The following PCDHAC1 variants were observed in gnomAD, a reference collection of about 807,000 sequenced individuals.
The protein encoded by PCDHAC1 is protocadherin alpha subfamily C, 1.
In PCDHAC1, 42 loss-of-function variants were observed where a neutral mutation model predicts 60.0. The ratio of observed to expected loss-of-function variants is 0.70; its 90% CI spans 0.55 to 0.90. The LOEUF (loss-of-function observed/expected upper bound fraction) is 0.90. PCDHAC1 is among the 40% of genes least tolerant of loss of function. The pLI is 0.00. For synonymous variants in PCDHAC1, 468 were observed against 499.3 expected (o/e 0.94, Z 0.84); for missense variants, 1,160 against 1,222.3 (o/e 0.95, Z 0.76).
At position 140,980,684 on chromosome 5, in the gene PCDHAC1, GA is replaced by G. The variant is rs782726576; in HGVS notation, c.2492+1687del. 1.5e-4 allele frequency among the ~76,000 whole-genome samples: 22 copies of G among 145,136 alleles called. No individual in the cohort carries two copies. In the East Asian group the frequency reaches 2.6e-3, roughly 17 times the overall value. ...AACTTCCTTATCCCATTTTCAAATT[GA>G]AAAAAAAAAGCCAAATGTGCTCCTA... On this transcript the variant is annotated intron_variant, in intron 2 of 3. Transcript: ENST00000253807.
In PCDHAC1 at chr5:141,009,914, A is replaced by T; in HGVS notation, c.2869A>T (p.Thr957Ser). The change falls in exon 4 of 4, where the codon ACG (threonine) becomes TCG (serine). Residue 957 changes from threonine (T) to serine (S), a missense_variant. Thr to Ser is a moderately conservative substitution (Grantham distance 58). Coordinates refer to ENST00000253807, the MANE Select transcript of PCDHAC1 (RefSeq NM_018898.5). ...GGAGAAAAAAGAGAAAGGGAACAGCACGACTGACAACAGTGACCAGTGAGG... is the reference window on the plus strand; with the variant it reads ...GGAGAAAAAAGAGAAAGGGAACAGCTCGACTGACAACAGTGACCAGTGAGG... ...TQEKKEKGNSTTDNSDQ is the reference protein window; with the variant it reads ...TQEKKEKGNSSTDNSDQ The T allele has an allele frequency of 6.2e-7, 1 of 1,611,466 alleles. No homozygotes were observed. The highest frequency in any genetic ancestry group is 8.5e-7 in the Non-Finnish European group (1 of 1,179,328).
intron 3 of PCDHAC1, among the ~76,000 whole-genome samples, chr5:140,986,030 C>T (rs1190318789): frequency 2.6e-5 from 4 of 152,174 alleles, no homozygotes; most frequent in Non-Finnish European, 2.9e-5. Flanking sequence ...TGAGCCACTG[C>T]GCCTGGCCTC....
chr5:140,954,978 A>C (rs1268797182), intron 1 of PCDHAC1, among the ~76,000 whole-genome samples: 2 of 152,176 alleles, frequency 1.3e-5, no homozygotes, highest in African/African-American at 4.8e-5. Context: ...GTCCAGTTTC[A>C]ATTTTCTGCA....
At position 140,929,216 on chromosome 5, in the gene PCDHAC1, A is replaced by G; in HGVS notation, c.2324A>G (p.Tyr775Cys). ...DNNSLLLRGEYNAADLRNLAT... is the reference protein window; with the variant it reads ...DNNSLLLRGECNAADLRNLAT... ...AACAGTTTGCTGTTGCGTGGGGAGT[A>G]CAATGCTGCCGACCTGCGAAATCTT... is the stretch of plus-strand genomic sequence containing the variant. Residue 775 changes from tyrosine (Y) to cysteine (C), a missense_variant, in exon 1 of 4, where the codon TAC becomes TGC. Physicochemically the swap from Tyr to Cys is radical, Grantham distance 194 (BLOSUM62 -2). Coordinates refer to ENST00000253807, the MANE Select transcript of PCDHAC1 (RefSeq NM_018898.5). 1 of 1,614,100 alleles carries G rather than the reference A, an allele frequency of 6.2e-7. No homozygotes were observed. The highest frequency in any genetic ancestry group is 8.5e-7 in the Non-Finnish European group (1 of 1,179,970).
intron 1 of PCDHAC1, among the ~76,000 whole-genome samples, chr5:140,978,103 A>G (rs2096789005): frequency 6.6e-6 from 1 of 152,106 alleles, no homozygotes; most frequent in South Asian, 2.1e-4. Flanking sequence ...AACTCCCCCA[A>G]CAGTCTTTAA....
At chr5:140,930,832 T>A (rs1375434055) in intron 1 of PCDHAC1, among the ~76,000 whole-genome samples, 1 of 152,226 alleles carries the variant, frequency 6.6e-6, no homozygotes, top group East Asian at 1.9e-4. Flanking sequence ...GCTGACTGAA[T>A]GAATAAATAT....
At chr5:140,955,126 G>T (rs947007538) in intron 1 of PCDHAC1, among the ~76,000 whole-genome samples, 6 of 152,110 alleles carry the variant, frequency 3.9e-5, no homozygotes, top group African/African-American at 1.4e-4. Flanking sequence ...CTGTTCCACT[G>T]GTCTACACGT....
chr5:140,944,136 G>A (rs536816208), intron 1 of PCDHAC1, among the ~76,000 whole-genome samples: 3 of 152,136 alleles, frequency 2.0e-5, no homozygotes, highest in African/African-American at 7.2e-5. Context: ...AAAGGTTGAA[G>A]ATTAGAAGAG....
intron 3 of PCDHAC1, among the ~76,000 whole-genome samples, chr5:140,989,765 C>G (rs2097359812): frequency 6.6e-6 from 1 of 152,286 alleles, no homozygotes. Context: ...ATATTCAGTT[C>G]AAGCACTGGC....
chr5:141,010,535 C>G lies in PCDHAC1; in HGVS notation c.*598C>G, dbSNP rs1423355739. 1 of 386,620 alleles carries G rather than the reference C, an allele frequency of 2.6e-6. No homozygotes were observed. Among genetic ancestry groups the G allele is most frequent in the African/African-American group, 2.0e-5 (1 of 48,880 alleles). 23.9% of individuals were successfully genotyped at this position (386,620 alleles called of 1,614,324 possible). On this transcript the variant is annotated 3_prime_UTR_variant, in exon 4 of 4. Coordinates refer to ENST00000253807, the MANE Select transcript of PCDHAC1 (RefSeq NM_018898.5). ...CAACTCAAGAGGTGGCAGCCACCCT[C>G]TAGGAGACAAAACTACCCCCACTGA...
rs782461261 is a variant in PCDHAC1, at chr5:140,928,126, C to G, written c.1234C>G (p.Gln412Glu). The change falls in exon 1 of 4, where the codon CAA becomes GAA. Residue 412 changes from glutamine (Q) to glutamate (E), a missense_variant. Around this residue, in one of 3 missense-constraint regions of PCDHAC1, gnomAD observed 1,113 missense variants for 1,163.7 expected, o/e 0.96. Transcript: ENST00000253807. ...GGACCGGGAGCAGATCAGTGAATACCAAGTCCTGATCACGGCCTCAGATAG... is the reference window on the plus strand; with the variant it reads ...GGACCGGGAGCAGATCAGTGAATACGAAGTCCTGATCACGGCCTCAGATAG... ...PLDREQISEYQVLITASDSGS... is the reference protein window; with the variant it reads ...PLDREQISEYEVLITASDSGS... 1 of 1,614,058 alleles carries G rather than the reference C, an allele frequency of 6.2e-7. No homozygotes were observed. Among genetic ancestry groups the G allele is most frequent in the African/African-American group, 1.3e-5 (1 of 74,918 alleles).
chr5:140,937,937 G>T (rs1584936873), intron 1 of PCDHAC1, among the ~76,000 whole-genome samples: 1 of 151,274 alleles, frequency 6.6e-6, no homozygotes. Flanking sequence ...AGTTTAATTT[G>T]ATAATTGGCT....
intron 1 of PCDHAC1, chr5:140,967,430 T>C (rs1554229552): frequency 1.2e-6 from 2 of 1,613,482 alleles, no homozygotes; most frequent in East Asian, 4.5e-5. Context: ...GCAGGCAGCC[T>C]TGCACCACCT....
intron 3 of PCDHAC1, among the ~76,000 whole-genome samples, chr5:140,990,330 A>C (rs1554251426): frequency 6.6e-6 from 1 of 152,122 alleles, no homozygotes; most frequent in African/African-American, 2.4e-5. Context: ...AAACTTTAAA[A>C]ATAAGTAAAG....
intron 1 of PCDHAC1, among the ~76,000 whole-genome samples, chr5:140,935,203 A>T (rs1403808889): frequency 6.6e-6 from 1 of 152,160 alleles, no homozygotes; most frequent in African/African-American, 2.4e-5. Flanking sequence ...GTTTCTAGGT[A>T]TCTTCAGCTA....
At position 140,929,124 on chromosome 5, in the gene PCDHAC1, C is replaced by A. The variant is rs2085843450; in HGVS notation, c.2232C>A (p.Val744=). 5 of 1,614,048 alleles carry A rather than the reference C, an allele frequency of 3.1e-6. No homozygotes were observed. The highest frequency in any genetic ancestry group is 3.3e-5 in the Admixed American group (2 of 59,992). The change falls in exon 1 of 4, where the codon GTC becomes GTA. Residue 744 remains valine, a synonymous_variant. Transcript: ENST00000253807. ...NPCMTSATID[V]TTVERLSQTY... is the part of the protein sequence containing the mutation. ...GCATGACATCAGCCACCATAGATGT[C>A]ACTACAGTTGAGAGACTTTCTCAGA...
intron 2 of PCDHAC1, among the ~76,000 whole-genome samples, chr5:140,981,204 A>G (rs782466772): frequency 2.6e-5 from 4 of 152,218 alleles, no homozygotes; most frequent in Non-Finnish European, 5.9e-5. Context: ...CTGTTGCCTC[A>G]TATAACCCCT....
intron 1 of PCDHAC1, among the ~76,000 whole-genome samples, chr5:140,939,081 G>A (rs547616686): frequency 1.3e-5 from 2 of 152,222 alleles, no homozygotes; most frequent in African/African-American, 2.4e-5. Context: ...GCATAAACTG[G>A]GTGGCTTAAA....
At chr5:140,986,951 T>C (rs1421822972) in intron 3 of PCDHAC1, among the ~76,000 whole-genome samples, 1 of 152,128 alleles carries the variant, frequency 6.6e-6, no homozygotes, top group Non-Finnish European at 1.5e-5. Context: ...TGGTCGCTCA[T>C]GCCTGTAATT....
Sources: gnomAD v4.1 joint callset for allele counts (sites outside exome capture counted in the v4.1 genomes callset) on GRCh38, gnomAD v4.1.1 for gene constraint, gnomAD v4.1.1 regional missense constraint, MANE v1.5 for transcripts, NCBI Gene and HGNC (gene_info 2026-07-23, HGNC 2026-07-21) for gene names.